The following INPP4B variants were observed in gnomAD, a reference collection of about 807,000 sequenced individuals.
INPP4B encodes inositol polyphosphate 4-phosphatase type II.
A neutral mutation model predicts 122.5 loss-of-function variants in INPP4B; 55 were observed. The ratio of observed to expected loss-of-function variants is 0.45; its 90% CI spans 0.36 to 0.56. INPP4B has a LOEUF of 0.56. Among genes scored for constraint, INPP4B ranks in the 20% least tolerant of loss-of-function variants. The pLI is 0.00. For synonymous variants in INPP4B, 403 were observed against 388.7 expected (o/e 1.04, Z -0.43); for missense variants, 1,000 against 1,097.7 (o/e 0.91, Z 1.26).
chr4:142,305,336 AT>A lies in INPP4B; in HGVS notation c.503+121del. Reference sequence around the variant, plus strand: ...ACTATAACTTGCTGCAGTGGAGAACATTAGCTATTTGAGAACTGACATCTAA... The same window carrying A: ...ACTATAACTTGCTGCAGTGGAGAACATAGCTATTTGAGAACTGACATCTAA... On this transcript the variant is annotated intron_variant, in intron 9 of 25. Coordinates refer to ENST00000262992, the MANE Select transcript of INPP4B (RefSeq NM_001101669.3). 12 of 714,794 alleles carry A rather than the reference AT, an allele frequency of 1.7e-5. No individual in the cohort carries two copies. The South Asian group carries it at 2.2e-4, about 13-fold the overall frequency. The allele number at this position is 714,794 out of a possible 1,614,324, so 44.3% of individuals were successfully genotyped here.
At chr4:142,502,500 T>A (rs1033152515) in intron 2 of INPP4B, among the ~76,000 whole-genome samples, 6 of 152,286 alleles carry the variant, frequency 3.9e-5, no homozygotes, top group African/African-American at 1.4e-4. Flanking sequence ...TATTTATTTA[T>A]TTATTAAGAT....
chr4:142,842,106 C>T (rs1438973151), intron 1 of INPP4B, among the ~76,000 whole-genome samples: 2 of 151,640 alleles, frequency 1.3e-5, no homozygotes. Context: ...TAACCAAAAC[C>T]ACATGATTTG....
chr4:142,043,628 C>CAA (rs11335396), intron 25 of INPP4B, among the ~76,000 whole-genome samples: 1 of 149,668 alleles, frequency 6.7e-6, no homozygotes. Flanking sequence ...GATGAGGAGG[C>CAA]AAAAAAAAAA....
chr4:142,445,430 A>G (rs1030925822), intron 3 of INPP4B, among the ~76,000 whole-genome samples: 1 of 152,232 alleles, frequency 6.6e-6, no homozygotes, highest in Non-Finnish European at 1.5e-5. Context: ...GGCCACATCA[A>G]TGTCAGACAA....
At chr4:142,492,439 G>T (rs1267801756) in intron 2 of INPP4B, among the ~76,000 whole-genome samples, 1 of 152,036 alleles carries the variant, frequency 6.6e-6, no homozygotes, top group Non-Finnish European at 1.5e-5. Context: ...AGACTTGGAG[G>T]GTTCAGAAGA....
chr4:142,638,797 T>A (rs1749736784), intron 2 of INPP4B, among the ~76,000 whole-genome samples: 1 of 151,968 alleles, frequency 6.6e-6, no homozygotes, highest in Non-Finnish European at 1.5e-5. Flanking sequence ...CCACCCACCT[T>A]GGCCTCCCAA....
intron 25 of INPP4B, among the ~76,000 whole-genome samples, chr4:142,061,889 T>C (rs62328180): frequency 0.051 from 99 of 1,950 alleles, 11 homozygotes; most frequent in Non-Finnish European, 0.12. Context: ...CACACACATA[T>C]ATATATATAT....
chr4:142,277,682 T>TACACACACACACACAC (rs3076592), intron 9 of INPP4B, among the ~76,000 whole-genome samples: 2 of 147,068 alleles, frequency 1.4e-5, no homozygotes, highest in African/African-American at 5.0e-5. Context: ...CACACACACA[T>TACACACACACACACAC]ACACACACAC....
At chr4:142,186,634 G>C (rs1306668153) in intron 15 of INPP4B, among the ~76,000 whole-genome samples, 1 of 152,190 alleles carries the variant, frequency 6.6e-6, no homozygotes, top group African/African-American at 2.4e-5. Flanking sequence ...TTTTAAAGAA[G>C]AGGACTAGAA....
chr4:142,038,082 A>C (rs2152313384), intron 25 of INPP4B, among the ~76,000 whole-genome samples: 1 of 152,296 alleles, frequency 6.6e-6, no homozygotes, highest in Non-Finnish European at 1.5e-5. Context: ...AATGTCCAGG[A>C]AGTTAAATAA....
chr4:142,087,018 C>T (rs1777187031), intron 23 of INPP4B, among the ~76,000 whole-genome samples: 1 of 152,180 alleles, frequency 6.6e-6, no homozygotes, highest in Non-Finnish European at 1.5e-5. Context: ...AGTTGCTATA[C>T]AGCAAGTGTC....
chr4:142,294,828 T>A (rs1377441382), intron 9 of INPP4B, among the ~76,000 whole-genome samples: 1 of 5,658 alleles, frequency 1.8e-4, no homozygotes, highest in Non-Finnish European at 6.6e-4. Flanking sequence ...AGACTCCGTC[T>A]CAAAAAAAAA....
At chr4:142,547,955 G>A (rs1393680848) in intron 2 of INPP4B, among the ~76,000 whole-genome samples, 2 of 152,138 alleles carry the variant, frequency 1.3e-5, no homozygotes, top group Non-Finnish European at 2.9e-5. Context: ...TGTTTTATTT[G>A]AGAGCTTGAA....
At chr4:142,745,891 A>G (rs1768670923) in intron 1 of INPP4B, among the ~76,000 whole-genome samples, 1 of 151,962 alleles carries the variant, frequency 6.6e-6, no homozygotes, top group Non-Finnish European at 1.5e-5. Flanking sequence ...AATCTTAAAT[A>G]TGTATGCACC....
chr4:142,660,794 CCAAA>C (rs1005673899), intron 2 of INPP4B: 3 of 152,576 alleles, frequency 2.0e-5, no homozygotes, highest in African/African-American at 7.2e-5. Context: ...CCATCAAACT[CCAAA>C]CAGTCATGCA....
At chr4:142,758,803 AT>A (rs923381908) in intron 1 of INPP4B, among the ~76,000 whole-genome samples, 10 of 151,958 alleles carry the variant, frequency 6.6e-5, no homozygotes, top group Non-Finnish European at 1.5e-4. Flanking sequence ...AAACACAAAC[AT>A]TAGCCGGGTG....
intron 3 of INPP4B, among the ~76,000 whole-genome samples, chr4:142,455,780 G>A (rs1410756947): frequency 6.6e-6 from 1 of 151,900 alleles, no homozygotes; most frequent in Admixed American, 6.6e-5. Context: ...AGCAGTGTAT[G>A]GGGGTTCCCT....
chr4:142,533,091 G>A (rs946922357), intron 2 of INPP4B, among the ~76,000 whole-genome samples: 7 of 152,218 alleles, frequency 4.6e-5, no homozygotes, highest in Admixed American at 1.3e-4. Flanking sequence ...CAGTACTATA[G>A]TGCCCAAAAT....
chr4:142,324,976 ACTC>A (rs1771774308), intron 7 of INPP4B, among the ~76,000 whole-genome samples: 1 of 152,182 alleles, frequency 6.6e-6, no homozygotes, highest in East Asian at 1.9e-4. Flanking sequence ...GCAAAGGCCT[ACTC>A]CTCAGTCCAC....
Sources: gnomAD v4.1 joint callset for allele counts (sites outside exome capture counted in the v4.1 genomes callset) on GRCh38, gnomAD v4.1.1 for gene constraint, MANE v1.5 for transcripts, NCBI Gene and HGNC (gene_info 2026-07-23, HGNC 2026-07-21) for gene names.